The following LRRK2 variants were observed in gnomAD, a reference collection of about 807,000 sequenced individuals.
The protein encoded by LRRK2 is leucine-rich repeat serine/threonine-protein kinase 2.
LRRK2 carries 203 observed loss-of-function variants against 302.6 expected under a neutral mutation model. The observed-to-expected ratio is 0.67, with a 90% CI of 0.60 to 0.75. LRRK2 has a LOEUF of 0.75. LRRK2 is among the 30% of genes least tolerant of loss of function. The pLI is 0.00. For synonymous variants in LRRK2, 1,066 were observed against 1,031.9 expected (o/e 1.03, Z -0.63); for missense variants, 2,830 against 2,951.0 (o/e 0.96, Z 0.95).
chr12:40,352,768 C>G (rs372218906), intron 44 of LRRK2, among the ~76,000 whole-genome samples: 2 of 151,344 alleles, frequency 1.3e-5, no homozygotes, highest in African/African-American at 4.9e-5. Context: ...CAGAGAGCAC[C>G]GGGTTGGGGG....
intron 44 of LRRK2, among the ~76,000 whole-genome samples, chr12:40,353,183 C>T (rs74464070): frequency 2.0e-5 from 3 of 146,982 alleles, no homozygotes; most frequent in Admixed American, 6.7e-5. Flanking sequence ...CTCACTTCTC[C>T]GACGGGGCGG....
intron 14 of LRRK2, among the ~76,000 whole-genome samples, chr12:40,272,465 G>A (rs1035458432): frequency 3.3e-5 from 5 of 152,156 alleles, no homozygotes; most frequent in African/African-American, 1.2e-4. Flanking sequence ...CATCACAAAG[G>A]TTTTGGGAGG....
At chr12:40,326,633 CTA>C (rs1945561746) in intron 38 of LRRK2, among the ~76,000 whole-genome samples, 2 of 152,200 alleles carry the variant, frequency 1.3e-5, no homozygotes, top group Middle Eastern at 3.4e-3. Context: ...CAAGATGCAT[CTA>C]TATGTTTCCA....
intron 12 of LRRK2, among the ~76,000 whole-genome samples, chr12:40,258,557 A>G (rs1942623575): frequency 6.6e-6 from 1 of 152,194 alleles, no homozygotes; most frequent in African/African-American, 2.4e-5. Flanking sequence ...AAATGTGTAC[A>G]GTTGCAGCCC....
In LRRK2 at chr12:40,278,165, A is replaced by C; in HGVS notation, c.2145A>C (p.Arg715Ser). Residue 715 changes from arginine to serine, a missense_variant, in exon 18 of 51, where the codon AGA becomes AGC. Arg to Ser is a moderately radical substitution (Grantham distance 110, BLOSUM62 -1). Transcript: ENST00000298910. ...ACTTAAAAAATGTGATGCTAGAGAG[A>C]GCGTGTGATCAGAATAACAGCATCA... ...DDYLKNVMLE[R>S]ACDQNNSIMV... 1.9e-6 allele frequency: 3 copies of C among 1,614,110 alleles called. No individual in the cohort carries two copies. The highest frequency in any genetic ancestry group is 2.5e-6 in the Non-Finnish European group (3 of 1,180,000).
chr12:40,269,603 T>C (rs1311529383), intron 14 of LRRK2, among the ~76,000 whole-genome samples: 1 of 152,160 alleles, frequency 6.6e-6, no homozygotes, highest in Non-Finnish European at 1.5e-5. Flanking sequence ...TGCAGCTTAA[T>C]TTAATCTTTC....
chr12:40,282,438 GGT>G (rs1296875338), intron 18 of LRRK2, among the ~76,000 whole-genome samples: 1 of 152,024 alleles, frequency 6.6e-6, no homozygotes, highest in Non-Finnish European at 1.5e-5. Flanking sequence ...GAGGAGAAAT[GGT>G]GTGTTTGGCC....
chr12:40,242,054 A>T (rs1002048434), intron 6 of LRRK2, among the ~76,000 whole-genome samples: 3 of 152,280 alleles, frequency 2.0e-5, no homozygotes, highest in African/African-American at 4.8e-5. Flanking sequence ...TTCCACCCAC[A>T]TTGGACATAA....
rs1457800330 is a variant in LRRK2, at chr12:40,282,007, CCGCTTCCCTT to C, written c.2242-1866_2242-1857del. Among the ~76,000 whole-genome samples, 509 of 142,772 alleles carry C rather than the reference CCGCTTCCCTT, an allele frequency of 3.6e-3. 18 individuals carry two copies. Among genetic ancestry groups the C allele is most frequent in the African/African-American group, 0.012 (439 of 37,188 alleles). 93.7% of individuals were successfully genotyped at this position (142,772 alleles called of 152,430 possible). The stretch of plus-strand genomic sequence containing the variant: ...CATTTGTGAGTTTTTCCCTCCCTCC[CCGCTTCCCTT>C]CCCTTCCCTTCCCTTCCCTTCCCTT... On this transcript the variant is annotated intron_variant, in intron 18 of 50. Coordinates refer to ENST00000298910, the MANE Select transcript of LRRK2 (RefSeq NM_198578.4).
chr12:40,359,452 A>T lies in LRRK2; in HGVS notation c.7028+8A>T, dbSNP rs764281019. 1 of 1,610,370 alleles carries T rather than the reference A, an allele frequency of 6.2e-7. No homozygotes were observed. Among genetic ancestry groups the T allele is most frequent in the Non-Finnish European group, 8.5e-7 (1 of 1,177,330 alleles). ...GACAAGAACAAGCCAACTGTAAGTT[A>T]TTTTTTATCTGTACAAGTAATTTAT... On this transcript the variant is annotated splice_region_variant and intron_variant, in intron 47 of 50. Coordinates refer to ENST00000298910, the MANE Select transcript of LRRK2 (RefSeq NM_198578.4).
chr12:40,226,096 T>G (rs780307271), intron 2 of LRRK2, among the ~76,000 whole-genome samples: 1 of 152,230 alleles, frequency 6.6e-6, no homozygotes, highest in African/African-American at 2.4e-5. Flanking sequence ...TTCAGCACTT[T>G]TTAAAATTCA....
chr12:40,354,607 G>A (rs2137007256), intron 45 of LRRK2, 115 bp downstream of exon 45: 1 of 958,714 alleles, frequency 1.0e-6, no homozygotes. Context: ...ATTTTCATTG[G>A]TTTGCATATA....
intron 37 of LRRK2, 34 bp from the exon 38 acceptor site, chr12:40,323,126 G>GT: frequency 6.3e-7 from 1 of 1,587,066 alleles, no homozygotes; most frequent in Non-Finnish European, 8.6e-7. Context: ...CTTAAATGTT[G>GT]TTTTTATTTA....
chr12:40,235,791 GTGTTT>G (rs1941427741), intron 4 of LRRK2, 77 bp downstream of exon 4: 21 of 462,934 alleles, frequency 4.5e-5, no homozygotes, highest in Middle Eastern at 1.0e-3. Context: ...GTGTGTGTGT[GTGTTT>G]TTTTTTTTTT....
Position 40,259,507 on chromosome 12 carries a change from A to G in LRRK2, c.1446A>G (p.Ala482=), listed in dbSNP as rs757454147. The change falls in exon 13 of 51, where the codon GCA becomes GCG. Residue 482 remains alanine, a synonymous_variant. Transcript: ENST00000298910. ...ACACTTCCCTGGATATAATGGCAGC[A>G]GTGGTCCCCAAAATACTAACAGTTA... ...GSNTSLDIMA[A]VVPKILTVMK... The G allele has an allele frequency of 1.3e-5, 21 of 1,613,232 alleles. No homozygotes were observed. Among genetic ancestry groups the G allele is most frequent in the Non-Finnish European group, 1.7e-5 (20 of 1,179,478 alleles).
chr12:40,346,479 TATC>T (rs1331408443), intron 41 of LRRK2, among the ~76,000 whole-genome samples: 2 of 152,206 alleles, frequency 1.3e-5, no homozygotes, highest in Non-Finnish European at 2.9e-5. Flanking sequence ...TTATCCTTAT[TATC>T]ATTCAAGGTA....
chr12:40,295,795 C>G, intron 23 of LRRK2, 151 bp downstream of exon 23: 1 of 685,974 alleles, frequency 1.5e-6, no homozygotes, highest in Non-Finnish European at 2.5e-6. Flanking sequence ...GCACACATAT[C>G]TTAGTCTGTG....
chr12:40,335,360 A>G (rs766453126), intron 40 of LRRK2, among the ~76,000 whole-genome samples: 2 of 152,240 alleles, frequency 1.3e-5, no homozygotes, highest in Non-Finnish European at 2.9e-5. Context: ...CATAGCAAGT[A>G]GTAATAGACT....
At chr12:40,339,176 A>G (rs1331136220) in intron 40 of LRRK2, among the ~76,000 whole-genome samples, 8 of 152,174 alleles carry the variant, frequency 5.3e-5, no homozygotes, top group Admixed American at 3.3e-4. Flanking sequence ...TAGGTGATGG[A>G]GTAACTATTA....
Sources: gnomAD v4.1 joint callset for allele counts (sites outside exome capture counted in the v4.1 genomes callset) on GRCh38, gnomAD v4.1.1 for gene constraint, MANE v1.5 for transcripts, NCBI Gene and HGNC (gene_info 2026-07-23, HGNC 2026-07-21) for gene names.